Variants in EBF1 observed in about 807,000 individuals in gnomAD.
EBF1 encodes the protein EBF transcription factor 1.
EBF1 carries 10 observed loss-of-function variants against 68.4 expected under a neutral mutation model. The observed-to-expected ratio is 0.15, with a 90% CI of 0.09 to 0.25. The LOEUF (loss-of-function observed/expected upper bound fraction) is 0.25, where lower values mean the gene tolerates loss of function less well. Ranked by LOEUF, EBF1 falls within the 10% of genes least tolerant of loss-of-function variation. EBF1 has a pLI of 1.00. For missense variants in EBF1, 509 were observed against 794.4 expected (o/e 0.64, Z 4.32); for synonymous variants, 298 against 299.8 (o/e 0.99, Z 0.06).
intron 10 of EBF1, 114 bp from the exon 11 acceptor site, chr5:158,731,271 T>G: frequency 1.1e-6 from 1 of 942,838 alleles, no homozygotes; most frequent in Non-Finnish European, 1.6e-6. Flanking sequence ...CTGATACTTT[T>G]GAATTGGATC....
intron 7 of EBF1, among the ~76,000 whole-genome samples, chr5:158,823,803 C>CT (rs1445239448): frequency 9.2e-5 from 14 of 152,098 alleles, no homozygotes; most frequent in Non-Finnish European, 2.1e-4. Flanking sequence ...TCCTGGATGT[C>CT]TTTTTGAGAT....
intron 6 of EBF1, among the ~76,000 whole-genome samples, chr5:159,004,983 G>A (rs1400972355): frequency 6.6e-6 from 1 of 152,202 alleles, no homozygotes; most frequent in Non-Finnish European, 1.5e-5. Flanking sequence ...GAATTTTAGA[G>A]AGAGAAAAGT....
At chr5:158,794,359 G>A (rs372822462) in intron 9 of EBF1, among the ~76,000 whole-genome samples, 53 of 152,264 alleles carry the variant, frequency 3.5e-4, no homozygotes, top group African/African-American at 1.2e-3. Flanking sequence ...ATCCTTTAAA[G>A]CAATTTGGAT....
chr5:158,867,660 C>G (rs2128050231), intron 6 of EBF1, among the ~76,000 whole-genome samples: 1 of 151,214 alleles, frequency 6.6e-6, no homozygotes, highest in South Asian at 2.1e-4. Flanking sequence ...TCTCACCTGC[C>G]TTAGTTTGCG....
intron 7 of EBF1, among the ~76,000 whole-genome samples, chr5:158,839,411 G>A (rs1308384977): frequency 6.6e-6 from 1 of 152,114 alleles, no homozygotes; most frequent in Non-Finnish European, 1.5e-5. Context: ...GGGGGGTATA[G>A]GATCTTACTC....
intron 6 of EBF1, among the ~76,000 whole-genome samples, chr5:158,873,999 G>C (rs143356549): frequency 7.2e-5 from 11 of 152,298 alleles, no homozygotes; most frequent in African/African-American, 2.6e-4. Flanking sequence ...AGGCTAGAGA[G>C]AAAATATTGA....
intron 6 of EBF1, among the ~76,000 whole-genome samples, chr5:159,035,129 A>AAG (rs371989316): frequency 8.6e-5 from 13 of 151,150 alleles, no homozygotes; most frequent in South Asian, 2.1e-4. Flanking sequence ...AAGAGAAAGA[A>AAG]AGAGAGAGAG....
chr5:158,949,330 A>T (rs527972158), intron 6 of EBF1, among the ~76,000 whole-genome samples: 6 of 152,224 alleles, frequency 3.9e-5, no homozygotes, highest in African/African-American at 1.4e-4. Flanking sequence ...TAGTTCCTTT[A>T]AAACGTTTTC....
At chr5:159,085,840 G>T (rs992759004) in intron 4 of EBF1, among the ~76,000 whole-genome samples, 1 of 151,928 alleles carries the variant, frequency 6.6e-6, no homozygotes, top group Non-Finnish European at 1.5e-5. Flanking sequence ...TGACTCTAAC[G>T]TGCTTTGTTT....
At chr5:158,932,697 T>C (rs1251123341) in intron 6 of EBF1, among the ~76,000 whole-genome samples, 1 of 152,232 alleles carries the variant, frequency 6.6e-6, no homozygotes, top group East Asian at 1.9e-4. Context: ...ATACTTCCTC[T>C]ATGAACTTCA....
intron 14 of EBF1, among the ~76,000 whole-genome samples, chr5:158,711,356 A>C (rs1759234645): frequency 1.3e-5 from 2 of 152,164 alleles, no homozygotes; most frequent in Non-Finnish European, 2.9e-5. Context: ...ACTATGTTAT[A>C]CCACCACCAC....
intron 6 of EBF1, among the ~76,000 whole-genome samples, chr5:158,997,355 C>T (rs999426455): frequency 2.6e-5 from 4 of 152,160 alleles, no homozygotes; most frequent in Non-Finnish European, 4.4e-5. Flanking sequence ...CATTCAGCCC[C>T]ATTCCGAATA....
intron 6 of EBF1, among the ~76,000 whole-genome samples, chr5:158,923,654 G>A (rs1808936210): frequency 6.6e-6 from 1 of 152,156 alleles, no homozygotes; most frequent in South Asian, 2.1e-4. Context: ...GTTTCCTTAA[G>A]TCTGCTCTAG....
intron 15 of EBF1, among the ~76,000 whole-genome samples, chr5:158,705,041 T>C (rs1757565339): frequency 6.6e-6 from 1 of 152,220 alleles, no homozygotes; most frequent in Non-Finnish European, 1.5e-5. Context: ...TGGAGTGCAG[T>C]GGCACGATCT....
intron 6 of EBF1, among the ~76,000 whole-genome samples, chr5:159,041,732 A>G (rs898524534): frequency 1.3e-5 from 2 of 152,220 alleles, no homozygotes; most frequent in Non-Finnish European, 2.9e-5. Context: ...AGAGAAATCC[A>G]TAAACTAGAA....
chr5:158,783,178 T>G (rs1480276474), intron 9 of EBF1, among the ~76,000 whole-genome samples: 1 of 152,202 alleles, frequency 6.6e-6, no homozygotes, highest in Non-Finnish European at 1.5e-5. Flanking sequence ...TTTCTGTGTG[T>G]GTAAATGTCC....
chr5:158,833,307 A>G (rs1049228592), intron 7 of EBF1, among the ~76,000 whole-genome samples: 2 of 152,042 alleles, frequency 1.3e-5, no homozygotes, highest in Non-Finnish European at 1.5e-5. Flanking sequence ...CAAAAAAAAA[A>G]AAAAAGAAAA....
intron 8 of EBF1, among the ~76,000 whole-genome samples, chr5:158,818,227 T>C (rs911989753): frequency 6.6e-6 from 1 of 152,146 alleles, no homozygotes; most frequent in Non-Finnish European, 1.5e-5. Context: ...CAGGCTCAAT[T>C]TGAGGTAGTC....
At chr5:158,892,080 G>GCA (rs530408742) in intron 6 of EBF1, among the ~76,000 whole-genome samples, 7 of 150,790 alleles carry the variant, frequency 4.6e-5, no homozygotes, top group East Asian at 1.9e-4. Context: ...ATTCCTATAT[G>GCA]CACACACACA....
Sources: allele counts gnomAD v4.1 joint callset (sites outside exome capture counted in the v4.1 genomes callset), GRCh38; gene constraint gnomAD v4.1.1; transcripts MANE v1.5; gene names NCBI Gene and HGNC (gene_info 2026-07-23, HGNC 2026-07-21).